The following PDS5B variants were observed in gnomAD, a reference collection of about 807,000 sequenced individuals.
PDS5B encodes the protein PDS5 cohesin associated factor B.
PDS5B carries 51 observed loss-of-function variants against 184.1 expected under a neutral mutation model. The observed-to-expected ratio is 0.28, with a 90% CI of 0.22 to 0.35. PDS5B has a LOEUF of 0.35. Among genes scored for constraint, PDS5B ranks in the 10% least tolerant of loss-of-function variants. The pLI, the probability that PDS5B is intolerant of heterozygous loss-of-function variation, is 1.00. For synonymous variants in PDS5B, 566 were observed against 569.2 expected (o/e 0.99, Z 0.08); for missense variants, 1,180 against 1,723.3 (o/e 0.68, Z 5.58).
In PDS5B at chr13:32,701,323, C is replaced by T. The variant is rs749950731; in HGVS notation, c.1741C>T (p.Arg581Cys). 4 of 1,501,864 alleles carry T rather than the reference C, an allele frequency of 2.7e-6. No homozygotes were observed. Among genetic ancestry groups the T allele is most frequent in the Middle Eastern group, 1.7e-4 (1 of 5,826 alleles). The allele number at this position is 1,501,864 out of a possible 1,614,324, so 93.0% of individuals were successfully genotyped here. A position where few individuals can be genotyped will look rare whatever the true frequency, so the allele number is the denominator to read the frequency against. The change falls in exon 17 of 35, where the codon CGT becomes TGT. Residue 581 changes from arginine to cysteine, a missense_variant and splice_region_variant. By Grantham distance (180) the Arg-to-Cys change is radical (BLOSUM62 -3). Coordinates refer to ENST00000315596, the MANE Select transcript of PDS5B (RefSeq NM_015032.4). Reference protein sequence around the residue: ...CSCKQAEGCVREITKKLGNPK... With the variant: ...CSCKQAEGCVCEITKKLGNPK... ...AATACTGAAATAATCTGTATTACAG[C>T]GTGAAATAACTAAGAAGTTGGGCAA...
At chr13:32,599,367 A>G (rs2057936119) in intron 1 of PDS5B, among the ~76,000 whole-genome samples, 2 of 150,822 alleles carry the variant, frequency 1.3e-5, no homozygotes, top group South Asian at 4.2e-4. Context: ...GGATTCAAGC[A>G]ATTCTCCTGC....
At chr13:32,768,202 G>C (rs756417656) in intron 31 of PDS5B, among the ~76,000 whole-genome samples, 1 of 152,166 alleles carries the variant, frequency 6.6e-6, no homozygotes, top group Non-Finnish European at 1.5e-5. Flanking sequence ...ACAAGATCAA[G>C]GTGCCAGCAG....
chr13:32,775,955 C>CATAA lies in PDS5B; in HGVS notation c.*903_*904insATAA, dbSNP rs1200161425. The CATAA allele has an allele frequency of 4.2e-5, 8 of 191,698 alleles. No individual in the cohort carries two copies. The highest frequency in any genetic ancestry group is 8.7e-5 in the Non-Finnish European group (8 of 91,608). 11.9% of individuals were successfully genotyped at this position (191,698 alleles called of 1,614,324 possible). A position where few individuals can be genotyped will look rare whatever the true frequency, so the allele number is the denominator to read the frequency against. ...TTGTGTATAGATATTTCCTCTTGAA[C>CATAA]GTTATGTTCAGAAAATGCAAATTAC... On this transcript the variant is annotated 3_prime_UTR_variant, in exon 35 of 35. Coordinates refer to ENST00000315596, the MANE Select transcript of PDS5B (RefSeq NM_015032.4).
chr13:32,743,582 T>G (rs1005960235), intron 23 of PDS5B, among the ~76,000 whole-genome samples: 1 of 152,134 alleles, frequency 6.6e-6, no homozygotes, highest in African/African-American at 2.4e-5. Flanking sequence ...CTAAAGACTT[T>G]AATAAGAAAA....
intron 31 of PDS5B, among the ~76,000 whole-genome samples, chr13:32,769,875 AG>A (rs1017307600): frequency 2.0e-5 from 3 of 152,186 alleles, no homozygotes; most frequent in Admixed American, 1.3e-4. Flanking sequence ...TGATCTTGAG[AG>A]GTTTCCTTTT....
intron 1 of PDS5B, among the ~76,000 whole-genome samples, chr13:32,616,314 C>G (rs1485287761): frequency 1.3e-5 from 2 of 152,136 alleles, no homozygotes; most frequent in African/African-American, 4.8e-5. Flanking sequence ...CTTGGCCTCC[C>G]AAAATGCTGG....
At chr13:32,587,584 A>C (rs1321741974) in intron 1 of PDS5B, among the ~76,000 whole-genome samples, 3 of 152,148 alleles carry the variant, frequency 2.0e-5, no homozygotes, top group Admixed American at 6.5e-5. Flanking sequence ...CGAATGACTG[A>C]AACCAGAAAC....
Position 32,741,060 on chromosome 13 carries a change from T to A in PDS5B, c.2407-20T>A. The A allele has an allele frequency of 7.4e-7, 1 of 1,351,468 alleles. No individual in the cohort carries two copies. Among genetic ancestry groups the A allele is most frequent in the Non-Finnish European group, 1.0e-6 (1 of 961,564 alleles). 83.7% of individuals were successfully genotyped at this position (1,351,468 alleles called of 1,614,324 possible). A position where few individuals can be genotyped will look rare whatever the true frequency, so the allele number is the denominator to read the frequency against. On this transcript the variant is annotated intron_variant, in intron 21 of 34. Transcript: ENST00000315596. ...CATTTTAAAGTCCCTGGTTTTTTTT[T>A]TTTTCTCGTTTATTTTTAGCTTCCA...
At chr13:32,650,445 A>G (rs1008443486) in intron 2 of PDS5B, 4 of 152,186 alleles carry the variant, frequency 2.6e-5, no homozygotes, top group African/African-American at 7.2e-5. Context: ...CATTATAACA[A>G]TTTGTTAACG....
In PDS5B at chr13:32,599,126, A is replaced by G. The variant is rs148402359; in HGVS notation, c.-20+12533A>G. On this transcript the variant is annotated intron_variant, in intron 1 of 34. Coordinates refer to ENST00000315596, the MANE Select transcript of PDS5B (RefSeq NM_015032.4). The stretch of plus-strand genomic sequence containing the variant: ...GTCATTTTATTCTTCTCTGGTCTCC[A>G]TTGTTTCTTTAACTTTCAACAATTT... 4.7e-3 allele frequency among the ~76,000 whole-genome samples: 712 copies of G among 151,010 alleles called. 4 individuals are homozygous for G. Among genetic ancestry groups the G allele is most frequent in the African/African-American group, 0.017 (677 of 40,480 alleles).
At chr13:32,747,278 AAG>A (rs1483978327) in intron 24 of PDS5B, among the ~76,000 whole-genome samples, 3 of 152,134 alleles carry the variant, frequency 2.0e-5, no homozygotes, top group Non-Finnish European at 4.4e-5. Flanking sequence ...CTTCTTTTCC[AAG>A]TAGTCTTAAG....
chr13:32,679,015 T>A, intron 10 of PDS5B, 86 bp downstream of exon 10: 1 of 655,084 alleles, frequency 1.5e-6, no homozygotes, highest in East Asian at 2.8e-5. Context: ...AAACCCCTTT[T>A]TTCGGGGGTG....
intron 1 of PDS5B, among the ~76,000 whole-genome samples, chr13:32,606,510 T>C (rs890623676): frequency 4.6e-5 from 7 of 152,314 alleles, no homozygotes; most frequent in African/African-American, 1.4e-4. Flanking sequence ...TTTTTTCCTT[T>C]GTTTCAACTT....
intron 1 of PDS5B, among the ~76,000 whole-genome samples, chr13:32,598,070 A>G (rs1386628893): frequency 6.6e-6 from 1 of 151,912 alleles, no homozygotes; most frequent in Non-Finnish European, 1.5e-5. Context: ...TTTTAATTAA[A>G]TCAAATTAAT....
chr13:32,679,069 T>C (rs1951158728), intron 10 of PDS5B, 140 bp downstream of exon 10: 1 of 481,466 alleles, frequency 2.1e-6, no homozygotes, highest in African/African-American at 2.0e-5. Context: ...GAAGTTGTTC[T>C]CTGAAGCTAG....
intron 6 of PDS5B, among the ~76,000 whole-genome samples, chr13:32,666,436 C>A (rs1363721495): frequency 1.3e-5 from 2 of 151,908 alleles, no homozygotes; most frequent in African/African-American, 4.8e-5. Flanking sequence ...ATTTATATTT[C>A]AAAATAGCTA....
chr13:32,646,100 G>GTTAA (rs1950215406), intron 1 of PDS5B, among the ~76,000 whole-genome samples: 2 of 152,012 alleles, frequency 1.3e-5, no homozygotes, highest in African/African-American at 4.8e-5. Context: ...GACTTCCTGG[G>GTTAA]CTTAAGCAGG....
At chr13:32,620,679 G>A (rs963403508) in intron 1 of PDS5B, among the ~76,000 whole-genome samples, 7 of 151,422 alleles carry the variant, frequency 4.6e-5, no homozygotes, top group African/African-American at 1.7e-4. Context: ...AAAAAAAGTG[G>A]TAGTGATAAC....
chr13:32,647,167 T>C (rs930864638), intron 1 of PDS5B, among the ~76,000 whole-genome samples: 2 of 152,228 alleles, frequency 1.3e-5, no homozygotes, highest in African/African-American at 4.8e-5. Flanking sequence ...AGTGAATCTC[T>C]CATTCTTCTC....
Sources: allele counts gnomAD v4.1 joint callset (sites outside exome capture counted in the v4.1 genomes callset), GRCh38; gene constraint gnomAD v4.1.1; transcripts MANE v1.5; gene names NCBI Gene and HGNC (gene_info 2026-07-23, HGNC 2026-07-21).